Variants in NELL2 observed in about 807,000 individuals in gnomAD.
NELL2 encodes neural EGFL like 2, also known as protein kinase C-binding protein NELL2.
A neutral mutation model predicts 109.6 loss-of-function variants in NELL2; 41 were observed. That is an observed-to-expected ratio of 0.37 (90% CI 0.29 to 0.49). The LOEUF (loss-of-function observed/expected upper bound fraction) is 0.49, where lower values mean the gene tolerates loss of function less well. Among genes scored for constraint, NELL2 ranks in the 20% least tolerant of loss-of-function variants. The probability of loss-of-function intolerance (pLI) is 0.98; values close to 1 mark genes in which losing one functional copy is unlikely to be tolerated. For missense variants in NELL2, 900 were observed against 1,008.3 expected, an observed-to-expected ratio of 0.89 and a Z score of 1.45; for synonymous variants, 355 against 344.7, an observed-to-expected ratio of 1.03 and a Z score of -0.33.
At chr12:44,588,022 G>A (rs1447950930) in intron 15 of NELL2, among the ~76,000 whole-genome samples, 2 of 151,926 alleles carry the variant, frequency 1.3e-5, no homozygotes, top group African/African-American at 2.4e-5. Context: ...GTGGTGGCGG[G>A]CACCTGTAGT....
rs188628248 is a variant in NELL2 at position 44,903,897 on chromosome 12, G to A, written c.38+9902C>T. Reference sequence around the variant, plus strand: ...ACACTGGGGCCTGTCGGGGGGTGGGGGCAAGGGGAGGGATAGCATTAGGAG... The same window carrying A: ...ACACTGGGGCCTGTCGGGGGGTGGGAGCAAGGGGAGGGATAGCATTAGGAG... On this transcript the variant is annotated intron_variant, in intron 1 of 20. Transcript: ENST00000333837. Among the ~76,000 whole-genome samples the A allele has an allele frequency of 1.7e-3, 255 of 151,792 alleles. 1 individual carries two copies. Among genetic ancestry groups the A allele is most frequent in the African/African-American group, 5.7e-3 (235 of 41,374 alleles).
rs1942117487 is a variant in NELL2 at position 44,532,520 on chromosome 12, A to C, written c.1804+61T>G. On this transcript the variant is annotated intron_variant, in intron 16 of 19. Transcript: ENST00000429094. ...GCTCAATGTCTTCTATTTATAGCTTATGATATATTCCTCAAGTTCAAGAGA... is the reference window on the plus strand; with the variant it reads ...GCTCAATGTCTTCTATTTATAGCTTCTGATATATTCCTCAAGTTCAAGAGA... 4 of 1,535,444 alleles carry C rather than the reference A, an allele frequency of 2.6e-6. No homozygotes were observed. The Admixed American group carries it at 7.1e-5, about 27-fold the overall frequency.
At chr12:44,565,317 C>G (rs1454193048) in intron 15 of NELL2, among the ~76,000 whole-genome samples, 2 of 152,046 alleles carry the variant, frequency 1.3e-5, no homozygotes, top group South Asian at 4.1e-4. Context: ...CACATAATAA[C>G]GATTATATGT....
chr12:44,900,161 T>C (rs534429996), intron 1 of NELL2, among the ~76,000 whole-genome samples: 2 of 152,254 alleles, frequency 1.3e-5, no homozygotes, highest in East Asian at 1.9e-4. Context: ...ACAATAATAG[T>C]GGGAGACTGT....
At chr12:44,652,204 A>G (rs1947324291) in intron 13 of NELL2, among the ~76,000 whole-genome samples, 1 of 152,068 alleles carries the variant, frequency 6.6e-6, no homozygotes, top group South Asian at 2.1e-4. Flanking sequence ...ACCCCCAATA[A>G]CCATGTAAAT....
chr12:44,855,799 C>T (rs977545153), intron 2 of NELL2, among the ~76,000 whole-genome samples: 5 of 152,152 alleles, frequency 3.3e-5, no homozygotes, highest in African/African-American at 4.8e-5. Context: ...CTGTTATTTC[C>T]TCTGTGGCAC....
rs1462055308 is a variant in NELL2 at position 44,659,406 on chromosome 12, G to C, written c.1444+6078C>G. On this transcript the variant is annotated intron_variant, in intron 13 of 19. Transcript: ENST00000429094. ...AAAGAAACTATCATCAAAGTGAACA[G>C]GCAACCTACAGAATGGGAGAAAATT... is the stretch of plus-strand genomic sequence containing the variant. 3.3e-5 allele frequency among the ~76,000 whole-genome samples: 5 copies of C among 152,166 alleles called. No homozygotes were observed. In the South Asian group the frequency reaches 8.3e-4, roughly 25 times the overall value.
At chr12:44,769,713 A>C (rs1308156595) in intron 9 of NELL2, among the ~76,000 whole-genome samples, 1 of 152,148 alleles carries the variant, frequency 6.6e-6, no homozygotes, top group African/African-American at 2.4e-5. Context: ...AAACTACCTA[A>C]CTGCCATCCA....
chr12:44,587,890 A>AC (rs1565975513), intron 15 of NELL2, among the ~76,000 whole-genome samples: 1 of 152,076 alleles, frequency 6.6e-6, no homozygotes, highest in African/African-American at 2.4e-5. Flanking sequence ...AGTGGCTCAC[A>AC]CCTGTAATCC....
chr12:44,573,532 GA>G (rs1461244513), intron 15 of NELL2, among the ~76,000 whole-genome samples: 1 of 152,102 alleles, frequency 6.6e-6, no homozygotes, highest in African/African-American at 2.4e-5. Flanking sequence ...CTAATAAATA[GA>G]AAATCACAGG....
chr12:44,512,504 G>A (rs968221083), intron 19 of NELL2, among the ~76,000 whole-genome samples: 2 of 151,888 alleles, frequency 1.3e-5, no homozygotes, highest in Non-Finnish European at 1.5e-5. Flanking sequence ...AAAAAAATCA[G>A]TATATTGAAG....
chr12:44,848,281 AG>A (rs1282901973), intron 2 of NELL2, among the ~76,000 whole-genome samples: 1 of 152,146 alleles, frequency 6.6e-6, no homozygotes, highest in Admixed American at 6.5e-5. Context: ...AGCGATGCAG[AG>A]GACCAACCTC....
chr12:44,615,541 G>A (rs959702167), intron 13 of NELL2, among the ~76,000 whole-genome samples: 1 of 152,078 alleles, frequency 6.6e-6, no homozygotes, highest in Non-Finnish European at 1.5e-5. Flanking sequence ...AATTACATCT[G>A]ACTCCAAAAT....
intron 2 of NELL2, among the ~76,000 whole-genome samples, chr12:44,849,520 G>C (rs1156742559): frequency 6.6e-6 from 1 of 152,130 alleles, no homozygotes; most frequent in Non-Finnish European, 1.5e-5. Context: ...GAAACACTGA[G>C]AACTCTCATA....
At chr12:44,718,712 T>A (rs1483032104) in intron 9 of NELL2, among the ~76,000 whole-genome samples, 1 of 152,242 alleles carries the variant, frequency 6.6e-6, no homozygotes, top group Admixed American at 6.5e-5. Flanking sequence ...GAGATGTACT[T>A]AATTTATTCA....
At chr12:44,523,625 A>G (rs1054629251) in intron 16 of NELL2, 141 bp from the exon 17 acceptor site, 4 of 656,404 alleles carry the variant, frequency 6.1e-6, no homozygotes, top group Admixed American at 2.8e-5. Flanking sequence ...TTGTGATTAA[A>G]TGTTGACTAA....
At chr12:44,882,203 A>C (rs993717434) in intron 1 of NELL2, among the ~76,000 whole-genome samples, 1 of 151,878 alleles carries the variant, frequency 6.6e-6, no homozygotes, top group Admixed American at 6.5e-5. Flanking sequence ...AGAAGTGGCA[A>C]ATATCTGGGT....
chr12:44,799,720 G>A (rs1426840282), intron 3 of NELL2, among the ~76,000 whole-genome samples: 5 of 152,032 alleles, frequency 3.3e-5, no homozygotes, highest in Non-Finnish European at 4.4e-5. Flanking sequence ...GTGTAGGGGG[G>A]GTGATGTATT....
chr12:44,510,735 C>G (rs1276174985), intron 19 of NELL2, among the ~76,000 whole-genome samples: 1 of 152,188 alleles, frequency 6.6e-6, no homozygotes, highest in South Asian at 2.1e-4. Flanking sequence ...TCTCCAGCCC[C>G]TAACATATTC....
Sources: gnomAD v4.1 joint callset for allele counts (sites outside exome capture counted in the v4.1 genomes callset) on GRCh38, gnomAD v4.1.1 for gene constraint, MANE v1.5 for transcripts, NCBI Gene and HGNC (gene_info 2026-07-23, HGNC 2026-07-21) for gene names.